Variants in BANK1 observed in about 807,000 individuals in gnomAD.
The protein encoded by BANK1 is B-cell scaffold protein with ankyrin repeats.
BANK1 carries 95 observed loss-of-function variants against 94.5 expected under a neutral mutation model. The observed-to-expected ratio is 1.00, with a 90% CI of 0.85 to 1.19. The LOEUF (loss-of-function observed/expected upper bound fraction) is 1.19. Among genes scored for constraint, BANK1 ranks in the 50% most tolerant of loss-of-function variants. The pLI, the probability that BANK1 is intolerant of heterozygous loss-of-function variation, is 0.00. For synonymous variants in BANK1, 334 were observed against 308.4 expected, an observed-to-expected ratio of 1.08 and a Z score of -0.87; for missense variants, 987 against 932.2, an observed-to-expected ratio of 1.06 and a Z score of -0.77.
At chr4:101,791,168 G>T (rs1047995111) in intron 1 of BANK1, among the ~76,000 whole-genome samples, 1 of 148,012 alleles carries the variant, frequency 6.8e-6, no homozygotes, top group Non-Finnish European at 1.5e-5. Flanking sequence ...GAGGGAGCGC[G>T]CTGGGAGTTC....
At position 101,935,924 on chromosome 4, in the gene BANK1, T is replaced by C. The variant is rs180995180; in HGVS notation, c.1206+17735T>C. Among the ~76,000 whole-genome samples the C allele has an allele frequency of 4.0e-5, 6 of 151,590 alleles. No individual in the cohort carries two copies. The East Asian group carries it at 1.2e-3, about 30-fold the overall frequency. ...ATACAAAAATCAACTGAAAATGGAT[T>C]AAAGACTTAAATCTAACACGTCAAG... On this transcript the variant is annotated intron_variant, in intron 7 of 16. Coordinates refer to ENST00000322953, the MANE Select transcript of BANK1 (RefSeq NM_017935.5).
chr4:101,977,968 TTTGTTTG>T, intron 7 of BANK1, among the ~76,000 whole-genome samples: 1 of 152,062 alleles, frequency 6.6e-6, no homozygotes, highest in African/African-American at 2.4e-5. Context: ...TGTTTGTTTG[TTTGTTTG>T]TTTTTTGAGA....
At chr4:101,925,237 A>G (rs1299040115) in intron 7 of BANK1, among the ~76,000 whole-genome samples, 2 of 151,762 alleles carry the variant, frequency 1.3e-5, no homozygotes, top group African/African-American at 2.4e-5. Flanking sequence ...CTTTAAGCCC[A>G]TTTCCCACTG....
chr4:101,854,814 A>G (rs1050913635), intron 2 of BANK1, among the ~76,000 whole-genome samples: 5 of 152,192 alleles, frequency 3.3e-5, no homozygotes, highest in African/African-American at 9.7e-5. Flanking sequence ...TGAACATAGT[A>G]TTACATAGTT....
At chr4:101,798,414 T>G (rs561220341) in intron 1 of BANK1, among the ~76,000 whole-genome samples, 4 of 152,192 alleles carry the variant, frequency 2.6e-5, no homozygotes, top group Non-Finnish European at 5.9e-5. Flanking sequence ...TGAAAACTTA[T>G]AGAGAACAGC....
In BANK1 at chr4:101,840,061, C is replaced by T. The variant is rs1166845391; in HGVS notation, c.469+9855C>T. Among the ~76,000 whole-genome samples, 5 of 134,696 alleles carry T rather than the reference C, an allele frequency of 3.7e-5. No individual in the cohort carries two copies. The South Asian group carries it at 9.9e-4, about 27-fold the overall frequency. 88.4% of individuals were successfully genotyped at this position (134,696 alleles called of 152,430 possible). ...TCGGCTCACTGCAAGCTCCGCCTCC[C>T]GGGTTCACGCCATTCTCCTGCCTCA... On this transcript the variant is annotated intron_variant, in intron 2 of 16. Coordinates refer to ENST00000322953, the MANE Select transcript of BANK1 (RefSeq NM_017935.5).
intron 7 of BANK1, among the ~76,000 whole-genome samples, chr4:102,008,310 T>C (rs1343591409): frequency 6.6e-6 from 1 of 152,260 alleles, no homozygotes. Flanking sequence ...TGGATTCATA[T>C]GAGGATCACG....
intron 1 of BANK1, among the ~76,000 whole-genome samples, chr4:101,803,797 A>G (rs1437405196): frequency 6.6e-6 from 1 of 151,598 alleles, no homozygotes; most frequent in Non-Finnish European, 1.5e-5. Flanking sequence ...GGAGATCGAG[A>G]CCATCCCGGC....
chr4:101,979,353 G>A (rs952445899), intron 7 of BANK1, among the ~76,000 whole-genome samples: 11 of 151,888 alleles, frequency 7.2e-5, no homozygotes, highest in African/African-American at 2.4e-4. Context: ...CAATAAAGCT[G>A]TGAATATAAT....
At chr4:101,851,038 AAAT>A (rs1243822811) in intron 2 of BANK1, among the ~76,000 whole-genome samples, 1 of 152,178 alleles carries the variant, frequency 6.6e-6, no homozygotes, top group African/African-American at 2.4e-5. Context: ...CTCTCGCTTA[AAAT>A]AAAAAGCTAA....
At chr4:102,041,108 T>A (rs1373747365) in intron 10 of BANK1, among the ~76,000 whole-genome samples, 4 of 152,100 alleles carry the variant, frequency 2.6e-5, no homozygotes. Flanking sequence ...GAGTGACCTA[T>A]AACCCTACAC....
chr4:101,894,762 G>A (rs1722004781), intron 5 of BANK1, among the ~76,000 whole-genome samples: 2 of 151,922 alleles, frequency 1.3e-5, no homozygotes, highest in South Asian at 2.1e-4. Context: ...AAGATGCTTA[G>A]GTTAGAGAAA....
intron 1 of BANK1, among the ~76,000 whole-genome samples, chr4:101,821,092 C>T (rs1468007132): frequency 1.3e-5 from 2 of 152,150 alleles, no homozygotes; most frequent in South Asian, 2.1e-4. Flanking sequence ...TCCGTTTTCT[C>T]GACAGCCTCG....
At chr4:101,983,009 T>C (rs933589418) in intron 7 of BANK1, among the ~76,000 whole-genome samples, 2 of 151,992 alleles carry the variant, frequency 1.3e-5, no homozygotes, top group Admixed American at 1.3e-4. Flanking sequence ...TTTAAAGATT[T>C]ATTTTACTTT....
chr4:102,037,730 GT>G (rs747819086), intron 10 of BANK1, among the ~76,000 whole-genome samples: 2 of 152,134 alleles, frequency 1.3e-5, no homozygotes, highest in Non-Finnish European at 2.9e-5. Context: ...TTTGGTTTTG[GT>G]TTTAAAGAAA....
intron 7 of BANK1, among the ~76,000 whole-genome samples, chr4:101,983,089 C>G (rs959972825): frequency 3.3e-5 from 5 of 152,008 alleles, no homozygotes; most frequent in African/African-American, 9.7e-5. Context: ...GGTTAGGCTT[C>G]AAGTTTAGTT....
chr4:101,855,031 C>G lies in BANK1; in HGVS notation c.470-4C>G. The G allele has an allele frequency of 1.9e-6, 3 of 1,599,286 alleles. No individual in the cohort carries two copies. Among genetic ancestry groups the G allele is most frequent in the Non-Finnish European group, 2.6e-6 (3 of 1,170,318 alleles). ...ATAATCTACATTCATAAAATTTTCTCTAGATTCTGAAGACTACTTTGAGGT... is the reference window on the plus strand; with the variant it reads ...ATAATCTACATTCATAAAATTTTCTGTAGATTCTGAAGACTACTTTGAGGT... On this transcript the variant is annotated splice_polypyrimidine_tract_variant and splice_region_variant and intron_variant, in intron 2 of 16. Coordinates refer to ENST00000322953, the MANE Select transcript of BANK1 (RefSeq NM_017935.5).
intron 1 of BANK1, among the ~76,000 whole-genome samples, chr4:101,811,544 T>C (rs980035759): frequency 6.6e-6 from 1 of 152,124 alleles, no homozygotes. Context: ...TGAATTGTAT[T>C]AGTTTTTGTG....
At chr4:101,947,068 T>C (rs772341645) in intron 7 of BANK1, among the ~76,000 whole-genome samples, 4 of 151,448 alleles carry the variant, frequency 2.6e-5, no homozygotes, top group Admixed American at 6.6e-5. Flanking sequence ...ACAGGACAGA[T>C]TTGAGATACC....
Sources: gnomAD v4.1 joint callset for allele counts (sites outside exome capture counted in the v4.1 genomes callset) on GRCh38, gnomAD v4.1.1 for gene constraint, MANE v1.5 for transcripts, NCBI Gene and HGNC (gene_info 2026-07-23, HGNC 2026-07-21) for gene names.